The following ELP4 variants were observed in gnomAD, a reference collection of about 807,000 sequenced individuals.
ELP4 encodes elongator acetyltransferase complex subunit 4, also known as elongator complex protein 4.
A neutral mutation model predicts 48.9 loss-of-function variants in ELP4; 51 were observed. That is an observed-to-expected ratio of 1.04 (90% CI 0.83 to 1.32). ELP4 has a LOEUF of 1.32. Ranked by LOEUF, ELP4 falls within the 40% of genes most tolerant of loss-of-function variation. The pLI, the probability that ELP4 is intolerant of heterozygous loss-of-function variation, is 0.00. For missense variants in ELP4, 519 were observed against 514.6 expected, an observed-to-expected ratio of 1.01 and a Z score of -0.08; for synonymous variants, 210 against 189.2, an observed-to-expected ratio of 1.11 and a Z score of -0.90.
chr11:31,739,020 A>G (rs1947386919), intron 9 of ELP4, among the ~76,000 whole-genome samples: 1 of 152,162 alleles, frequency 6.6e-6, no homozygotes, highest in South Asian at 2.1e-4. Flanking sequence ...TGTAGTTCAC[A>G]ATACTATGCT....
chr11:31,631,882 A>G (rs1322571691), intron 6 of ELP4, among the ~76,000 whole-genome samples: 2 of 152,258 alleles, frequency 1.3e-5, no homozygotes, highest in Non-Finnish European at 1.5e-5. Context: ...CAAGCATTCT[A>G]GTTTAGATTT....
intron 5 of ELP4, among the ~76,000 whole-genome samples, chr11:31,624,683 A>G (rs536093622): frequency 1.1e-4 from 16 of 152,014 alleles, no homozygotes; most frequent in Admixed American, 1.1e-3. Flanking sequence ...ATAAACTTCT[A>G]CATTTTAAAA....
chr11:31,636,782 G>C (rs1405734412), intron 7 of ELP4, among the ~76,000 whole-genome samples: 1 of 151,704 alleles, frequency 6.6e-6, no homozygotes, highest in Non-Finnish European at 1.5e-5. Context: ...TTTCTTTAAT[G>C]CCACAGGAAA....
chr11:31,664,416 T>C (rs1383056341), intron 9 of ELP4: 1 of 152,186 alleles, frequency 6.6e-6, no homozygotes, highest in Non-Finnish European at 1.5e-5. Flanking sequence ...CATTGACACT[T>C]GAGGACATTC....
chr11:31,591,125 G>A (rs1459939239), intron 3 of ELP4, among the ~76,000 whole-genome samples: 1 of 152,038 alleles, frequency 6.6e-6, no homozygotes, highest in African/African-American at 2.4e-5. Context: ...AATGGGATAA[G>A]GGCCAGACAC....
At chr11:31,515,651 G>T (rs776251525) in intron 1 of ELP4, among the ~76,000 whole-genome samples, 1 of 150,504 alleles carries the variant, frequency 6.6e-6, no homozygotes, top group African/African-American at 2.4e-5. Flanking sequence ...GCAACACAGC[G>T]ACACCCTGTC....
intron 1 of ELP4, chr11:31,511,523 CAAG>C (rs1393376933): frequency 2.6e-5 from 4 of 152,044 alleles, no homozygotes; most frequent in Admixed American, 2.6e-4. Flanking sequence ...AAAACTGAGA[CAAG>C]AAATTATGAA....
intron 3 of ELP4, among the ~76,000 whole-genome samples, chr11:31,574,504 C>T (rs932747995): frequency 2.0e-5 from 3 of 152,238 alleles, no homozygotes; most frequent in Admixed American, 1.3e-4. Flanking sequence ...GTCCCTGACC[C>T]CTGAGTAACC....
intron 9 of ELP4, among the ~76,000 whole-genome samples, chr11:31,741,635 G>A (rs984459198): frequency 1.3e-5 from 2 of 152,200 alleles, no homozygotes; most frequent in Non-Finnish European, 1.5e-5. Context: ...CAGGCAAACA[G>A]GGTCTGGAGT....
chr11:31,632,859 C>A (rs3781854), intron 7 of ELP4: 4 of 151,788 alleles, frequency 2.6e-5, no homozygotes. Flanking sequence ...ATTTTTTCTA[C>A]AGTTTTAGTT....
chr11:31,594,256 CTTGCAGGTGCA>C (rs1957636592), intron 3 of ELP4, among the ~76,000 whole-genome samples: 3 of 152,126 alleles, frequency 2.0e-5, no homozygotes, highest in African/African-American at 7.2e-5. Flanking sequence ...GAGACATAAG[CTTGCAGGTGCA>C]AAGCTAGCAT....
intron 9 of ELP4, among the ~76,000 whole-genome samples, chr11:31,712,134 T>G (rs2134172875): frequency 6.6e-6 from 1 of 152,014 alleles, no homozygotes; most frequent in Non-Finnish European, 1.5e-5. Context: ...GAATATAACA[T>G]TACAAATTAG....
At chr11:31,555,166 C>T (rs1393053502) in intron 3 of ELP4, among the ~76,000 whole-genome samples, 16 of 151,918 alleles carry the variant, frequency 1.1e-4, no homozygotes, top group African/African-American at 3.6e-4. Context: ...GTGCTATGTA[C>T]GATGAATGAC....
chr11:31,719,279 A>G (rs1268386356), intron 9 of ELP4, among the ~76,000 whole-genome samples: 3 of 151,922 alleles, frequency 2.0e-5, no homozygotes, highest in African/African-American at 7.3e-5. Context: ...AAAAAGAAAG[A>G]AAAGAAAATC....
intron 3 of ELP4, among the ~76,000 whole-genome samples, chr11:31,575,366 G>A (rs1592130772): frequency 6.6e-6 from 1 of 152,154 alleles, no homozygotes; most frequent in African/African-American, 2.4e-5. Context: ...AAAACACTCT[G>A]CAGGATATTA....
chr11:31,641,860 A>G (rs910848562), intron 7 of ELP4, among the ~76,000 whole-genome samples: 3 of 151,912 alleles, frequency 2.0e-5, no homozygotes, highest in African/African-American at 7.2e-5. Flanking sequence ...CTGCATCACA[A>G]ACATCAGCTG....
chr11:31,674,469 G>C lies in ELP4; in HGVS notation c.1143+24248G>C, dbSNP rs187878164. Among the ~76,000 whole-genome samples, 144 of 152,202 alleles carry C rather than the reference G, an allele frequency of 9.5e-4. 2 individuals are homozygous for C. The South Asian group carries it at 0.013, about 14-fold the overall frequency. On this transcript the variant is annotated intron_variant, in intron 9 of 9. Coordinates refer to ENST00000640961, the MANE Select transcript of ELP4 (RefSeq NM_019040.5). Reference sequence around the variant, plus strand: ...ACCATGTCTTCAGTTGACACATTTTGTTAAATAAAAGGTAGAAAATAAGAA... The same window carrying C: ...ACCATGTCTTCAGTTGACACATTTTCTTAAATAAAAGGTAGAAAATAAGAA...
intron 9 of ELP4, among the ~76,000 whole-genome samples, chr11:31,704,458 AG>A (rs1946588614): frequency 6.6e-6 from 1 of 151,546 alleles, no homozygotes; most frequent in Admixed American, 6.6e-5. Flanking sequence ...GGACACAGGA[AG>A]GGGAATATCA....
intron 9 of ELP4, among the ~76,000 whole-genome samples, chr11:31,680,877 C>T (rs138515814): frequency 6.6e-5 from 10 of 152,176 alleles, no homozygotes; most frequent in African/African-American, 2.4e-4. Flanking sequence ...CTGTTACGGA[C>T]TGTAAAAACT....
Sources: allele counts gnomAD v4.1 joint callset (sites outside exome capture counted in the v4.1 genomes callset), GRCh38; gene constraint gnomAD v4.1.1; transcripts MANE v1.5; gene names NCBI Gene and HGNC (gene_info 2026-07-23, HGNC 2026-07-21).